The following AGPAT3 variants were observed in gnomAD, a reference collection of about 807,000 sequenced individuals.
AGPAT3 encodes the protein 1-acyl-sn-glycerol-3-phosphate acyltransferase gamma.
A neutral mutation model predicts 47.3 loss-of-function variants in AGPAT3; 5 were observed. That is an observed-to-expected ratio of 0.11 (90% CI 0.06 to 0.22). AGPAT3 has a LOEUF of 0.22. Among genes scored for constraint, AGPAT3 ranks in the 10% least tolerant of loss-of-function variants. AGPAT3 has a pLI of 1.00. For missense variants in AGPAT3, 315 were observed against 493.0 expected (o/e 0.64, Z 3.42); for synonymous variants, 212 against 208.3 (o/e 1.02, Z -0.15).
At chr21:43,899,767 C>T (rs919608316) in intron 1 of AGPAT3, among the ~76,000 whole-genome samples, 3 of 152,218 alleles carry the variant, frequency 2.0e-5, no homozygotes, top group African/African-American at 7.2e-5. Flanking sequence ...GCTGCCTCGG[C>T]CCCGGTTCTG....
intron 1 of AGPAT3, among the ~76,000 whole-genome samples, chr21:43,895,494 A>T (rs1482668372): frequency 1.4e-5 from 2 of 146,116 alleles, no homozygotes; most frequent in South Asian, 4.4e-4. Flanking sequence ...GCGTCAGCCT[A>T]TATGTAGTGA....
chr21:43,868,291 T>C (rs2085552688), intron 1 of AGPAT3, among the ~76,000 whole-genome samples: 2 of 152,212 alleles, frequency 1.3e-5, no homozygotes, highest in African/African-American at 2.4e-5. Flanking sequence ...GGTAGAAGGA[T>C]TGCAGATAGG....
At position 43,908,214 on chromosome 21, in the gene AGPAT3, A is replaced by G. The variant is rs1443046768; in HGVS notation, c.-49+4195A>G. Among the ~76,000 whole-genome samples, 1 of 152,126 alleles carries G rather than the reference A, an allele frequency of 6.6e-6. No individual in the cohort carries two copies. Among genetic ancestry groups the G allele is most frequent in the Admixed American group, 6.5e-5 (1 of 15,274 alleles). On this transcript the variant is annotated intron_variant, in intron 2 of 9. Transcript: ENST00000291572. The surrounding 1 kb of genome is among the most constrained non-coding windows in gnomAD (Gnocchi z 4.9). Reference sequence around the variant, plus strand: ...TCACTTGTGCCCTAAAGCACAAAATACCAGGGCTTGGGGTGAATTTGGTGA... The same window carrying G: ...TCACTTGTGCCCTAAAGCACAAAATGCCAGGGCTTGGGGTGAATTTGGTGA...
chr21:43,922,787 C>T lies in AGPAT3; in HGVS notation c.-49+18768C>T, dbSNP rs1182590539. Among the ~76,000 whole-genome samples, 1 of 151,950 alleles carries T rather than the reference C, an allele frequency of 6.6e-6. No homozygotes were observed. The highest frequency in any genetic ancestry group is 1.5e-5 in the Non-Finnish European group (1 of 67,932). On this transcript the variant is annotated intron_variant, in intron 2 of 9. Coordinates refer to ENST00000291572, the MANE Select transcript of AGPAT3 (RefSeq NM_020132.5). The surrounding 1 kb of genome is among the most constrained non-coding windows in gnomAD (Gnocchi z 4.9). The stretch of plus-strand genomic sequence containing the variant: ...CACAGGGGCTGTGGCTCAGGAGCCA[C>T]GTGCCAGGCAGGTCACTCCGTCAGC...
chr21:43,869,233 G>A (rs1184078847), intron 1 of AGPAT3, among the ~76,000 whole-genome samples: 1 of 152,218 alleles, frequency 6.6e-6, no homozygotes, highest in East Asian at 1.9e-4. Flanking sequence ...AAAATGAAGA[G>A]CTGTTTATTG....
intron 2 of AGPAT3, among the ~76,000 whole-genome samples, chr21:43,915,881 C>T (rs1336898880): frequency 6.6e-6 from 1 of 151,990 alleles, no homozygotes; most frequent in African/African-American, 2.4e-5. Flanking sequence ...TTCATTCATT[C>T]TCTTACTGTC....
intron 2 of AGPAT3, among the ~76,000 whole-genome samples, chr21:43,912,918 G>T (rs1051954456): frequency 1.3e-5 from 2 of 152,222 alleles, no homozygotes; most frequent in Non-Finnish European, 1.5e-5. Context: ...TGTTTGCCCA[G>T]CGAGTGAAAT....
At chr21:43,951,569 G>A (rs567941743) in intron 2 of AGPAT3, among the ~76,000 whole-genome samples, 4 of 152,338 alleles carry the variant, frequency 2.6e-5, no homozygotes, top group East Asian at 1.9e-4. Flanking sequence ...TCCCATCCCA[G>A]CTCTGCCCAG....
At chr21:43,868,401 C>T (rs532946843) in intron 1 of AGPAT3, among the ~76,000 whole-genome samples, 1 of 152,216 alleles carries the variant, frequency 6.6e-6, no homozygotes, top group African/African-American at 2.4e-5. Context: ...TGCCCTGTGT[C>T]ACTTAAGACT....
In AGPAT3 at chr21:43,985,053, C is replaced by T. The variant is rs1437115726; in HGVS notation, c.*2661C>T. On this transcript the variant is annotated 3_prime_UTR_variant, in exon 10 of 10. Coordinates refer to ENST00000291572, the MANE Select transcript of AGPAT3 (RefSeq NM_020132.5). ...AGAGCCAGGCGCCACACTGGAGGCT[C>T]CCAGGCGGGAGGGCCCAGGCCCACC... 4.4e-6 allele frequency: 2 copies of T among 452,954 alleles called. No homozygotes were observed. The highest frequency in any genetic ancestry group is 2.0e-5 in the African/African-American group (1 of 49,912). The allele number at this position is 452,954 out of a possible 1,614,324, so 28.1% of individuals were successfully genotyped here.
intron 2 of AGPAT3, among the ~76,000 whole-genome samples, chr21:43,957,790 G>A (rs529141283): frequency 1.3e-3 from 197 of 150,538 alleles, no homozygotes; most frequent in Middle Eastern, 6.9e-3. Flanking sequence ...TGCACATGGG[G>A]GTCTCGGGTT....
Position 43,970,529 on chromosome 21 carries a change from C to A in AGPAT3, c.511-124C>A. 3.0e-6 allele frequency: 3 copies of A among 1,004,122 alleles called. No homozygotes were observed. The highest frequency in any genetic ancestry group is 4.4e-6 in the Non-Finnish European group (3 of 688,700). The allele number at this position is 1,004,122 out of a possible 1,614,324, so 62.2% of individuals were successfully genotyped here. A position where few individuals can be genotyped will look rare whatever the true frequency, so the allele number is the denominator to read the frequency against. On this transcript the variant is annotated intron_variant, in intron 5 of 9. Transcript: ENST00000291572. This position sits in a 1 kb window ranked among gnomAD's most constrained non-coding sequence, Gnocchi z 5.8. Reference sequence around the variant, plus strand: ...TCATAACCCATGCTGCTCGCTAAAGCGGTTCCAAGATTTCCACAAATTCAG... The same window carrying A: ...TCATAACCCATGCTGCTCGCTAAAGAGGTTCCAAGATTTCCACAAATTCAG...
chr21:43,953,002 G>A (rs944028137), intron 2 of AGPAT3, among the ~76,000 whole-genome samples: 69 of 152,232 alleles, frequency 4.5e-4, no homozygotes, highest in Admixed American at 4.4e-3. Flanking sequence ...CCACATCGCC[G>A]GCCAAGTGGC....
chr21:43,957,151 C>T lies in AGPAT3; in HGVS notation c.-48-2483C>T, dbSNP rs116561140. 8.5e-3 allele frequency among the ~76,000 whole-genome samples: 1,277 copies of T among 151,084 alleles called. 17 individuals carry two copies. The highest frequency in any genetic ancestry group is 0.048 in the Middle Eastern group (14 of 292). ...GAGTGACACTGGCATCTGTGGCCCC[C>T]GAGTGCCATTCAAGGCAGCGCCTGC... On this transcript the variant is annotated intron_variant, in intron 2 of 9. Coordinates refer to ENST00000291572, the MANE Select transcript of AGPAT3 (RefSeq NM_020132.5).
chr21:43,906,391 G>A (rs538513346), intron 2 of AGPAT3, among the ~76,000 whole-genome samples: 1 of 152,188 alleles, frequency 6.6e-6, no homozygotes, highest in South Asian at 2.1e-4. Context: ...TCCATGACTT[G>A]CACCAGTACC....
At position 43,952,614 on chromosome 21, in the gene AGPAT3, C is replaced by G. The variant is rs975862934; in HGVS notation, c.-48-7020C>G. On this transcript the variant is annotated intron_variant, in intron 2 of 9. Transcript: ENST00000291572. The surrounding 1 kb of genome is among the most constrained non-coding windows in gnomAD (Gnocchi z 5.6). ...AGAAGCAGCCATCACGCCCCAGGACCAAGATGTGCTGGCGCCAGGCTTCCG... is the reference window on the plus strand; with the variant it reads ...AGAAGCAGCCATCACGCCCCAGGACGAAGATGTGCTGGCGCCAGGCTTCCG... Among the ~76,000 whole-genome samples, 1 of 152,210 alleles carries G rather than the reference C, an allele frequency of 6.6e-6. No individual in the cohort carries two copies. The highest frequency in any genetic ancestry group is 2.4e-5 in the African/African-American group (1 of 41,456).
chr21:43,937,343 A>G (rs879650591), intron 2 of AGPAT3, among the ~76,000 whole-genome samples: 5 of 152,226 alleles, frequency 3.3e-5, no homozygotes, highest in Admixed American at 1.3e-4. Context: ...GAGCTGACCT[A>G]GGTGGGAAGC....
intron 2 of AGPAT3, among the ~76,000 whole-genome samples, chr21:43,943,211 A>C (rs1169674238): frequency 1.3e-5 from 2 of 152,014 alleles, no homozygotes; most frequent in African/African-American, 4.8e-5. Context: ...AGTAGCTGGG[A>C]CTACAGGTGC....
In AGPAT3 at chr21:43,939,141, C is replaced by T. The variant is rs758900473; in HGVS notation, c.-48-20493C>T. Among the ~76,000 whole-genome samples, 9 of 152,172 alleles carry T rather than the reference C, an allele frequency of 5.9e-5. No homozygotes were observed. Among genetic ancestry groups the T allele is most frequent in the Non-Finnish European group, 1.2e-4 (8 of 68,024 alleles). The stretch of plus-strand genomic sequence containing the variant: ...GGGACAGGTTCGTTGTGTCTGATGC[C>T]GTGGGAGATGCACGAGCAGTGACTT... On this transcript the variant is annotated intron_variant, in intron 2 of 9. Transcript: ENST00000291572. The surrounding 1 kb of genome is among the most constrained non-coding windows in gnomAD (Gnocchi z 4.4).
Sources: allele counts gnomAD v4.1 joint callset (sites outside exome capture counted in the v4.1 genomes callset), GRCh38; gene constraint gnomAD v4.1.1; non-coding constraint Gnocchi (gnomAD v3.1); transcripts MANE v1.5; gene names NCBI Gene and HGNC (gene_info 2026-07-23, HGNC 2026-07-21).